The following FARS2 variants were observed in gnomAD, a reference collection of about 807,000 sequenced individuals.
The protein encoded by FARS2 is phenylalanine--tRNA ligase, mitochondrial.
In FARS2, 40 loss-of-function variants were observed where a neutral mutation model predicts 46.4. The ratio of observed to expected loss-of-function variants is 0.86; its 90% CI spans 0.67 to 1.12. The LOEUF is 1.12. Among genes scored for constraint, FARS2 ranks in the 50% most tolerant of loss-of-function variants. The pLI, the probability that FARS2 is intolerant of heterozygous loss-of-function variation, is 0.00. For missense variants in FARS2, 513 were observed against 567.9 expected (o/e 0.90, Z 0.98); for synonymous variants, 234 against 214.9 (o/e 1.09, Z -0.78).
chr6:5,618,423 G>T (rs1475287323), intron 6 of FARS2, among the ~76,000 whole-genome samples: 1 of 152,190 alleles, frequency 6.6e-6, no homozygotes, highest in Non-Finnish European at 1.5e-5. Context: ...GTGCAAAAGA[G>T]CGCCGACCCT....
intron 6 of FARS2, among the ~76,000 whole-genome samples, chr6:5,759,979 G>A (rs1582893441): frequency 6.6e-6 from 1 of 152,154 alleles, no homozygotes; most frequent in Admixed American, 6.5e-5. Context: ...TGTAGACGGA[G>A]GAGGTGCATC....
At chr6:5,729,269 G>C (rs139727215) in intron 6 of FARS2, among the ~76,000 whole-genome samples, 1 of 152,162 alleles carries the variant, frequency 6.6e-6, no homozygotes, top group Admixed American at 6.5e-5. Context: ...TGAATAGCTC[G>C]TGCTAATGAA....
chr6:5,490,069 C>T (rs1188731198), intron 4 of FARS2, among the ~76,000 whole-genome samples: 1 of 152,162 alleles, frequency 6.6e-6, no homozygotes, highest in Non-Finnish European at 1.5e-5. Flanking sequence ...CTCTTCATCC[C>T]CAAACCCAAG....
intron 4 of FARS2, among the ~76,000 whole-genome samples, chr6:5,542,314 C>G (rs1203911276): frequency 2.0e-5 from 3 of 152,196 alleles, no homozygotes; most frequent in Non-Finnish European, 4.4e-5. Context: ...GGATATACCA[C>G]AATTTCTCCA....
chr6:5,419,019 A>G (rs1266910142), intron 3 of FARS2, among the ~76,000 whole-genome samples: 5 of 151,292 alleles, frequency 3.3e-5, no homozygotes, highest in East Asian at 3.9e-4. Context: ...GCAATTTTCT[A>G]TTACATCTCA....
At position 5,446,546 on chromosome 6, in the gene FARS2, T is replaced by G. The variant is rs1268122747; in HGVS notation, c.904+15374T>G. On this transcript the variant is annotated intron_variant, in intron 4 of 6. Transcript: ENST00000274680. ...TGCCTTTGGGGGACTTCCAGTCCAG[T>G]GGTAGAGGCTGATGGGTAAACTGCT... Among the ~76,000 whole-genome samples, 5 of 152,056 alleles carry G rather than the reference T, an allele frequency of 3.3e-5. No homozygotes were observed. The East Asian group carries it at 5.8e-4, about 18-fold the overall frequency.
intron 6 of FARS2, among the ~76,000 whole-genome samples, chr6:5,631,326 G>A (rs1290254795): frequency 6.6e-6 from 1 of 151,982 alleles, no homozygotes; most frequent in Non-Finnish European, 1.5e-5. Flanking sequence ...GTCTGATATA[G>A]GAATAAATCT....
intron 6 of FARS2, among the ~76,000 whole-genome samples, chr6:5,737,634 A>G (rs1212442400): frequency 1.3e-5 from 2 of 152,242 alleles, no homozygotes; most frequent in African/African-American, 2.4e-5. Context: ...GCCTGCATGC[A>G]TAACTTCCCC....
At chr6:5,523,099 A>T (rs562048051) in intron 4 of FARS2, among the ~76,000 whole-genome samples, 37 of 152,346 alleles carry the variant, frequency 2.4e-4, no homozygotes, top group African/African-American at 8.9e-4. Context: ...TATTTTTTAC[A>T]TCCCACTGCC....
chr6:5,756,010 T>G lies in FARS2; in HGVS notation c.1218-15281T>G, dbSNP rs79410496. 3.2e-3 allele frequency among the ~76,000 whole-genome samples: 490 copies of G among 152,364 alleles called. 2 individuals are homozygous for G. Among genetic ancestry groups the G allele is most frequent in the African/African-American group, 0.011 (457 of 41,594 alleles). ...TCTGTGCCAAGGATATGTTTTGTTT[T>G]GTTTTGTTTTCCCTAGTCTGCTGTT... On this transcript the variant is annotated intron_variant, in intron 6 of 6. Transcript: ENST00000274680.
At chr6:5,564,361 T>G (rs1452173137) in intron 5 of FARS2, among the ~76,000 whole-genome samples, 3 of 152,224 alleles carry the variant, frequency 2.0e-5, no homozygotes, top group Non-Finnish European at 2.9e-5. Flanking sequence ...CCGGCAGAAT[T>G]TGCAAGATAA....
upstream of FARS2, among the ~76,000 whole-genome samples, chr6:5,259,371 C>G (rs1442545097): frequency 6.6e-6 from 1 of 152,328 alleles, no homozygotes; most frequent in South Asian, 2.1e-4. Context: ...TATTATTACA[C>G]TCTTTATTCT....
At chr6:5,517,231 CTACGT>C (rs1768860086) in intron 4 of FARS2, among the ~76,000 whole-genome samples, 1 of 152,166 alleles carries the variant, frequency 6.6e-6, no homozygotes, top group Non-Finnish European at 1.5e-5. Flanking sequence ...AGTGCTAGAG[CTACGT>C]TGTCCATAGC....
chr6:5,329,580 C>T (rs183915991), intron 1 of FARS2, among the ~76,000 whole-genome samples: 2 of 152,302 alleles, frequency 1.3e-5, no homozygotes, highest in African/African-American at 2.4e-5. Context: ...TAAAAACTGT[C>T]TCAAGATTAC....
At chr6:5,499,808 T>C (rs1311693105) in intron 4 of FARS2, among the ~76,000 whole-genome samples, 1 of 152,236 alleles carries the variant, frequency 6.6e-6, no homozygotes, top group Non-Finnish European at 1.5e-5. Flanking sequence ...AGTCGTTCTT[T>C]TACTTTTTAA....
chr6:5,662,740 G>A (rs746539067), intron 6 of FARS2, among the ~76,000 whole-genome samples: 6 of 152,158 alleles, frequency 3.9e-5, no homozygotes, highest in African/African-American at 7.2e-5. Context: ...TGGTGTGTGC[G>A]GTGGTCAAGA....
At chr6:5,306,054 A>G (rs1009401674) in intron 1 of FARS2, among the ~76,000 whole-genome samples, 7 of 152,186 alleles carry the variant, frequency 4.6e-5, no homozygotes, top group African/African-American at 1.7e-4. Context: ...TACAATTGTG[A>G]TCCTAATAAA....
chr6:5,582,620 G>A (rs1477530131), intron 5 of FARS2, among the ~76,000 whole-genome samples: 1 of 152,178 alleles, frequency 6.6e-6, no homozygotes, highest in Non-Finnish European at 1.5e-5. Context: ...TGTAGTTCAT[G>A]CTGACAATTT....
At chr6:5,568,396 TG>T (rs1477064988) in intron 5 of FARS2, among the ~76,000 whole-genome samples, 16 of 152,222 alleles carry the variant, frequency 1.1e-4, no homozygotes, top group African/African-American at 3.6e-4. Flanking sequence ...TCTGAGCATC[TG>T]CTCTTGTGCC....
Sources: gnomAD v4.1 joint callset for allele counts (sites outside exome capture counted in the v4.1 genomes callset) on GRCh38, gnomAD v4.1.1 for gene constraint, MANE v1.5 for transcripts, NCBI Gene and HGNC (gene_info 2026-07-23, HGNC 2026-07-21) for gene names.